The following NALCN variants were observed in gnomAD, a reference collection of about 807,000 sequenced individuals.
NALCN encodes the protein sodium leak channel NALCN.
Under a neutral mutation model 225.3 loss-of-function variants are expected in NALCN, and 111 were observed. That is an observed-to-expected ratio of 0.49 (90% CI 0.42 to 0.58). The LOEUF is 0.58. Ranked by LOEUF, NALCN falls within the 20% of genes least tolerant of loss-of-function variation. The pLI, the probability that NALCN is intolerant of heterozygous loss-of-function variation, is 0.00. For missense variants in NALCN, 1,378 were observed against 2,202.4 expected (o/e 0.63, Z 7.49); for synonymous variants, 764 against 769.0 (o/e 0.99, Z 0.11).
intron 40 of NALCN, 132 bp downstream of exon 40, chr13:101,065,272 C>T: frequency 1.1e-6 from 1 of 945,224 alleles, no homozygotes; most frequent in Non-Finnish European, 1.6e-6. Flanking sequence ...GACATGTGAC[C>T]CCACTTCACG....
At chr13:101,136,537 G>A (rs192994070) in intron 17 of NALCN, among the ~76,000 whole-genome samples, 6 of 147,970 alleles carry the variant, frequency 4.1e-5, no homozygotes, top group African/African-American at 1.0e-4. Context: ...TCCCACCTAT[G>A]AGTGAGAACA....
At chr13:101,207,912 C>A (rs1162979033) in intron 13 of NALCN, among the ~76,000 whole-genome samples, 1 of 152,246 alleles carries the variant, frequency 6.6e-6, no homozygotes, top group African/African-American at 2.4e-5. Context: ...GCAACACTCA[C>A]CGCAAAGGTC....
At chr13:101,397,615 T>A (rs2047351865) in intron 2 of NALCN, among the ~76,000 whole-genome samples, 1 of 151,318 alleles carries the variant, frequency 6.6e-6, no homozygotes, top group Non-Finnish European at 1.5e-5. Context: ...GTGATATACA[T>A]ATAACCTGTT....
chr13:101,067,605 G>T (rs1301018049), intron 39 of NALCN, among the ~76,000 whole-genome samples: 1 of 152,138 alleles, frequency 6.6e-6, no homozygotes, highest in Non-Finnish European at 1.5e-5. Flanking sequence ...TGTCCCTTTG[G>T]TAGTTTCAGT....
intron 15 of NALCN, among the ~76,000 whole-genome samples, chr13:101,152,639 G>A (rs1041501584): frequency 6.6e-6 from 1 of 152,016 alleles, no homozygotes; most frequent in South Asian, 2.1e-4. Context: ...TGTTGAATGA[G>A]CACATTTTGC....
intron 13 of NALCN, among the ~76,000 whole-genome samples, chr13:101,205,159 A>C (rs887896671): frequency 7.2e-5 from 11 of 152,070 alleles, no homozygotes; most frequent in African/African-American, 2.7e-4. Flanking sequence ...AAAACAAAGA[A>C]CATACATGCA....
chr13:101,082,744 G>T, intron 33 of NALCN, 65 bp downstream of exon 33: 1 of 1,525,064 alleles, frequency 6.6e-7, no homozygotes, highest in South Asian at 1.1e-5. Flanking sequence ...GCATCAAAGA[G>T]GGAGGCTGAT....
chr13:101,265,268 G>T (rs1404770335), intron 10 of NALCN, among the ~76,000 whole-genome samples: 1 of 152,156 alleles, frequency 6.6e-6, no homozygotes, highest in Non-Finnish European at 1.5e-5. Flanking sequence ...CTACAAAATG[G>T]TACCTGACCA....
At chr13:101,160,529 T>C (rs529990858) in intron 15 of NALCN, among the ~76,000 whole-genome samples, 72 of 152,284 alleles carry the variant, frequency 4.7e-4, no homozygotes, top group African/African-American at 1.6e-3. Flanking sequence ...TTATCTCAGC[T>C]CCTCTTTTCT....
intron 13 of NALCN, among the ~76,000 whole-genome samples, chr13:101,216,818 G>A (rs936400923): frequency 6.6e-6 from 1 of 152,102 alleles, no homozygotes; most frequent in African/African-American, 2.4e-5. Flanking sequence ...TATAGCATTT[G>A]TTGCTTCTAT....
At chr13:101,188,802 T>C (rs991212646) in intron 14 of NALCN, among the ~76,000 whole-genome samples, 1 of 151,530 alleles carries the variant, frequency 6.6e-6, no homozygotes, top group Non-Finnish European at 1.5e-5. Context: ...CTCCCCTGCC[T>C]CAGTATCCTG....
chr13:101,142,318 T>A (rs2037126584), intron 17 of NALCN, among the ~76,000 whole-genome samples: 1 of 151,824 alleles, frequency 6.6e-6, no homozygotes, highest in Non-Finnish European at 1.5e-5. Flanking sequence ...ACTTTTGTAT[T>A]TTTAGTAGAG....
chr13:101,204,689 T>C (rs188883146), intron 13 of NALCN, among the ~76,000 whole-genome samples: 9 of 152,146 alleles, frequency 5.9e-5, no homozygotes, highest in African/African-American at 1.9e-4. Context: ...TTGCTAGTTA[T>C]GAAAATATAT....
intron 1 of NALCN, among the ~76,000 whole-genome samples, 169 bp from the exon 2 acceptor site, chr13:101,399,334 C>T (rs1031933328): frequency 1.3e-4 from 19 of 151,978 alleles, no homozygotes; most frequent in African/African-American, 4.6e-4. Context: ...AAATTAATAC[C>T]AACAGAAGCT....
chr13:101,091,805 G>A (rs2139559663), intron 28 of NALCN, among the ~76,000 whole-genome samples: 1 of 152,240 alleles, frequency 6.6e-6, no homozygotes, highest in Middle Eastern at 3.4e-3. Flanking sequence ...TTTCTTAGCT[G>A]AATTTGCAGC....
chr13:101,270,006 T>C (rs1171389517), intron 10 of NALCN, among the ~76,000 whole-genome samples: 6 of 152,130 alleles, frequency 3.9e-5, no homozygotes, highest in Non-Finnish European at 8.8e-5. Context: ...CTAGAAAGAG[T>C]AGAAAAATCC....
chr13:101,300,367 T>TTTCCTTCC (rs71121182), intron 7 of NALCN, among the ~76,000 whole-genome samples: 24 of 101,696 alleles, frequency 2.4e-4, no homozygotes, highest in South Asian at 8.3e-4. Context: ...TCTTTCTTTC[T>TTTCCTTCC]TTCCTTCCTT....
At chr13:101,150,244 G>T in intron 15 of NALCN, among the ~76,000 whole-genome samples, 1 of 152,122 alleles carries the variant, frequency 6.6e-6, no homozygotes, top group East Asian at 1.9e-4. Context: ...GTCGTCCTGG[G>T]TGGGGGTGGC....
In NALCN at chr13:101,082,832, A is replaced by G. The variant is rs2033728427; in HGVS notation, c.3742T>C (p.Phe1248Leu). Residue 1248 changes from phenylalanine (F) to leucine (L), a missense_variant, in exon 33 of 44, where the codon TTC becomes CTC. Physicochemically the swap from Phe to Leu is conservative, Grantham distance 22 (BLOSUM62 0). Coordinates refer to ENST00000251127, the MANE Select transcript of NALCN (RefSeq NM_052867.4). Reference sequence around the variant, plus strand: ...ACCTCCAGAACAAAGATGAAGGTGAAAACAACTGACATTGTTGCCAAAGGT... The same window carrying G: ...ACCTCCAGAACAAAGATGAAGGTGAGAACAACTGACATTGTTGCCAAAGGT... ...TVPLATMSVV[F>L]TFIFVLEVTM... 1 of 1,614,136 alleles carries G rather than the reference A, an allele frequency of 6.2e-7. No homozygotes were observed. Among genetic ancestry groups the G allele is most frequent in the Non-Finnish European group, 8.5e-7 (1 of 1,180,002 alleles).
Sources: allele counts gnomAD v4.1 joint callset (sites outside exome capture counted in the v4.1 genomes callset), GRCh38; gene constraint gnomAD v4.1.1; transcripts MANE v1.5; gene names NCBI Gene and HGNC (gene_info 2026-07-23, HGNC 2026-07-21).